H4C16: variants seen among roughly 807,000 people sequenced by gnomAD.
H4C16 encodes H4 histone 16.
chr12:14,771,106 C>T, the H4C16 span: 6 of 1,566,594 alleles, frequency 3.8e-6, no homozygotes, highest in Non-Finnish European at 5.2e-6. Flanking sequence ...AGCGCCTACT[C>T]AGCAGAAAAT....
the H4C16 span, chr12:14,770,738 C>T: frequency 1.3e-6 from 2 of 1,555,294 alleles, no homozygotes; most frequent in Non-Finnish European, 1.7e-6. Context: ...CTGAAAAGGG[C>T]CTTTTGGAGT....
the H4C16 span, chr12:14,771,055 C>G: frequency 2.1e-5 from 33 of 1,606,484 alleles, no homozygotes; most frequent in African/African-American, 4.3e-4. Flanking sequence ...CCTTACCCAG[C>G]CCCTTGCCAC....
At chr12:14,770,767 G>A in the H4C16 span, 1 of 1,604,432 alleles carries the variant, frequency 6.2e-7, no homozygotes. Flanking sequence ...AAGCTGTGGG[G>A]ACAGCTCAAC....
the H4C16 span, chr12:14,771,117 C>G: frequency 1.3e-6 from 2 of 1,554,058 alleles, no homozygotes; most frequent in Non-Finnish European, 1.7e-6. Context: ...AGCAGAAAAT[C>G]GGGCTGCCCA....
the H4C16 span, chr12:14,770,755 A>T: frequency 6.3e-7 from 1 of 1,595,070 alleles, no homozygotes; most frequent in Non-Finnish European, 8.5e-7. Flanking sequence ...GAGTCTGTAG[A>T]GAAGCTGTGG....
At chr12:14,771,097 G>C in the H4C16 span, 3 of 1,573,588 alleles carry the variant, frequency 1.9e-6, no homozygotes, top group Non-Finnish European at 2.6e-6. Context: ...TGAAATCACA[G>C]CGCCTACTCA....
the H4C16 span, chr12:14,770,932 G>C: frequency 6.2e-7 from 1 of 1,614,230 alleles, no homozygotes; most frequent in East Asian, 2.2e-5. Flanking sequence ...TCTCCTCGTA[G>C]ATGAGACCAG....
the H4C16 span, chr12:14,771,094 A>T: frequency 6.3e-7 from 1 of 1,577,994 alleles, no homozygotes; most frequent in African/African-American, 1.4e-5. Flanking sequence ...TTCTGAAATC[A>T]CAGCGCCTAC....
the H4C16 span, chr12:14,770,725 G>T: frequency 4.6e-6 from 7 of 1,529,112 alleles, no homozygotes; most frequent in South Asian, 7.7e-5. Flanking sequence ...CAGTTTGGGG[G>T]CCCTGAAAAG....
chr12:14,770,943 A>C, the H4C16 span: 1 of 1,614,232 alleles, frequency 6.2e-7, no homozygotes, highest in Non-Finnish European at 8.5e-7. Context: ...ATGAGACCAG[A>C]AATGCGCTTG....
chr12:14,771,116 T>C, the H4C16 span: 17 of 1,558,328 alleles, frequency 1.1e-5, no homozygotes, highest in South Asian at 2.4e-5. Context: ...CAGCAGAAAA[T>C]CGGGCTGCCC....
the H4C16 span, chr12:14,770,949 G>T: frequency 6.2e-7 from 1 of 1,614,224 alleles, no homozygotes; most frequent in Non-Finnish European, 8.5e-7. Flanking sequence ...CCAGAAATGC[G>T]CTTGACGCCC....
the H4C16 span, chr12:14,771,055 C>A: frequency 6.2e-7 from 1 of 1,606,482 alleles, no homozygotes; most frequent in South Asian, 1.1e-5. Flanking sequence ...CCTTACCCAG[C>A]CCCTTGCCAC....
At chr12:14,770,817 C>G in the H4C16 span, 4 of 1,614,130 alleles carry the variant, frequency 2.5e-6, no homozygotes, top group East Asian at 2.2e-5. Context: ...CGTTTCAGCG[C>G]GTACACCACA....
At chr12:14,770,867 TAA>T in the H4C16 span, 1 of 1,614,194 alleles carries the variant, frequency 6.2e-7, no homozygotes, top group Non-Finnish European at 8.5e-7. Context: ...GTGCTCCGTG[TAA>T]GTCACCGCGT....
At chr12:14,770,953 G>T in the H4C16 span, 1 of 1,614,240 alleles carries the variant, frequency 6.2e-7, no homozygotes, top group Non-Finnish European at 8.5e-7. Flanking sequence ...AAATGCGCTT[G>T]ACGCCCCCAC....
chr12:14,770,911 G>A, the H4C16 span: 8 of 1,614,210 alleles, frequency 5.0e-6, no homozygotes, highest in South Asian at 1.1e-5. Flanking sequence ...AGACTTTGAG[G>A]ACTCCCCGGG....
the H4C16 span, chr12:14,770,820 ACAC>A: frequency 1.2e-6 from 2 of 1,614,170 alleles, no homozygotes; most frequent in Non-Finnish European, 8.5e-7. Flanking sequence ...TTCAGCGCGT[ACAC>A]CACATCCATG....
the H4C16 span, chr12:14,771,028 G>A: frequency 1.2e-6 from 2 of 1,613,490 alleles, no homozygotes; most frequent in Admixed American, 3.3e-5. Flanking sequence ...GCACCTTCCG[G>A]TGGCGCTTGG....
Sources: gnomAD v4.1 joint callset for allele counts on GRCh38, gnomAD v4.1.1 for gene constraint, MANE v1.5 for transcripts, NCBI Gene and HGNC (gene_info 2026-07-23, HGNC 2026-07-21) for gene names.